PRKN: variants seen among roughly 807,000 people sequenced by gnomAD.
PRKN encodes parkin RBR E3 ubiquitin protein ligase.
A neutral mutation model predicts 59.5 loss-of-function variants in PRKN; 56 were observed. That is an observed-to-expected ratio of 0.94 (90% CI 0.76 to 1.18). PRKN has a LOEUF of 1.18. Ranked by LOEUF, PRKN falls within the 50% of genes most tolerant of loss-of-function variation. The probability of loss-of-function intolerance (pLI) is 0.00; values close to 1 mark genes in which losing one functional copy is unlikely to be tolerated. For missense variants in PRKN, 657 were observed against 596.4 expected, an observed-to-expected ratio of 1.10 and a Z score of -1.06; for synonymous variants, 250 against 222.1, an observed-to-expected ratio of 1.13 and a Z score of -1.12.
intron 6 of PRKN, among the ~76,000 whole-genome samples, chr6:161,887,498 G>A (rs1795197699): frequency 6.6e-6 from 1 of 152,156 alleles, no homozygotes; most frequent in African/African-American, 2.4e-5. Flanking sequence ...AACGTTGAAA[G>A]TACTGTGAAA....
At chr6:162,077,069 A>T (rs2128292603) in intron 4 of PRKN, among the ~76,000 whole-genome samples, 1 of 152,068 alleles carries the variant, frequency 6.6e-6, no homozygotes, top group East Asian at 1.9e-4. Flanking sequence ...GGGACTGCAA[A>T]CCCGTGCTCA....
Position 161,593,735 on chromosome 6 carries a change from C to A in PRKN, c.872-24319G>T, listed in dbSNP as rs1333008167. ...GGCTCGAGGAGTTCTGCTTCGGATG[C>A]CACATTGGCAAAGCTTATAAATTAT... On this transcript the variant is annotated intron_variant, in intron 7 of 11. Coordinates refer to ENST00000366898, the MANE Select transcript of PRKN (RefSeq NM_004562.3). This position sits in a 1 kb window ranked among gnomAD's most constrained non-coding sequence, Gnocchi z 4.8. 6.6e-6 allele frequency among the ~76,000 whole-genome samples: 1 copy of A among 152,070 alleles called. No homozygotes were observed. Among genetic ancestry groups the A allele is most frequent in the East Asian group, 1.9e-4 (1 of 5,176 alleles).
At chr6:162,555,991 A>AG (rs1173990162) in intron 1 of PRKN, among the ~76,000 whole-genome samples, 1 of 151,226 alleles carries the variant, frequency 6.6e-6, no homozygotes. Context: ...CAAAAAAAAA[A>AG]AAAAAAAAGT....
At chr6:161,365,263 C>G (rs1269990586) in intron 10 of PRKN, among the ~76,000 whole-genome samples, 1 of 152,166 alleles carries the variant, frequency 6.6e-6, no homozygotes, top group African/African-American at 2.4e-5. Context: ...CCCGTGTGGA[C>G]AGATTATCAT....
intron 1 of PRKN, among the ~76,000 whole-genome samples, chr6:162,646,031 C>G (rs1024485408): frequency 6.6e-6 from 1 of 151,848 alleles, no homozygotes; most frequent in African/African-American, 2.4e-5. Context: ...CCTGCCACCA[C>G]GCCTGGCTAA....
intron 9 of PRKN, among the ~76,000 whole-genome samples, chr6:161,421,621 A>G (rs772090828): frequency 2.0e-5 from 3 of 152,102 alleles, no homozygotes; most frequent in Admixed American, 6.5e-5. Flanking sequence ...TCAGATAGAG[A>G]CGTTTACCCC....
intron 3 of PRKN, among the ~76,000 whole-genome samples, chr6:162,217,640 C>T (rs1777741751): frequency 6.6e-6 from 1 of 152,108 alleles, no homozygotes; most frequent in South Asian, 2.1e-4. Context: ...GATCTGCCCA[C>T]CTCGCCCTCC....
intron 6 of PRKN, among the ~76,000 whole-genome samples, chr6:161,893,348 A>G (rs1265913472): frequency 6.6e-6 from 1 of 152,178 alleles, no homozygotes; most frequent in Non-Finnish European, 1.5e-5. Flanking sequence ...TAAAGCACAG[A>G]ATTGAGGAGG....
chr6:161,570,805 C>T (rs916016236), intron 7 of PRKN, among the ~76,000 whole-genome samples: 3 of 152,100 alleles, frequency 2.0e-5, no homozygotes, highest in African/African-American at 7.2e-5. Flanking sequence ...TGTTGGTGTT[C>T]CTAAGCCTCA....
chr6:162,445,195 C>G (rs1167401089), intron 1 of PRKN, among the ~76,000 whole-genome samples: 1 of 152,154 alleles, frequency 6.6e-6, no homozygotes, highest in African/African-American at 2.4e-5. Context: ...TATGGTTTTT[C>G]TAAGCCTCCC....
At chr6:162,185,224 A>G (rs908527360) in intron 4 of PRKN, among the ~76,000 whole-genome samples, 1 of 152,178 alleles carries the variant, frequency 6.6e-6, no homozygotes, top group African/African-American at 2.4e-5. Flanking sequence ...GTTCAATACA[A>G]TGCATAGCCA....
chr6:162,505,163 A>G (rs1793554862), intron 1 of PRKN, among the ~76,000 whole-genome samples: 1 of 152,176 alleles, frequency 6.6e-6, no homozygotes, highest in Non-Finnish European at 1.5e-5. Context: ...TAGTATTCAC[A>G]TTTCACTGGA....
intron 2 of PRKN, among the ~76,000 whole-genome samples, chr6:162,333,600 G>T (rs942355886): frequency 1.3e-5 from 2 of 152,118 alleles, no homozygotes; most frequent in Non-Finnish European, 2.9e-5. Context: ...CATGTGTTCC[G>T]ACTGATACGC....
chr6:162,567,283 G>A (rs562492493), intron 1 of PRKN, among the ~76,000 whole-genome samples: 1 of 152,242 alleles, frequency 6.6e-6, no homozygotes, highest in East Asian at 1.9e-4. Context: ...AATCAGAAAA[G>A]AGAAAGAAAT....
chr6:161,408,397 T>C (rs1787376617), intron 9 of PRKN, among the ~76,000 whole-genome samples: 1 of 150,714 alleles, frequency 6.6e-6, no homozygotes, highest in African/African-American at 2.4e-5. Flanking sequence ...CGTATACATG[T>C]AAAACGTATC....
chr6:161,722,503 T>A (rs1008508986), intron 7 of PRKN, among the ~76,000 whole-genome samples: 1 of 152,180 alleles, frequency 6.6e-6, no homozygotes, highest in Non-Finnish European at 1.5e-5. Flanking sequence ...ACAATGAACA[T>A]AACCCTGGCT....
rs55699586 is a variant in PRKN, at chr6:161,570,124, TAAA to T, written c.872-711_872-709del. On this transcript the variant is annotated intron_variant, in intron 7 of 11. Coordinates refer to ENST00000366898, the MANE Select transcript of PRKN (RefSeq NM_004562.3). ...TTGTAAAACAAAGTAAGTAAATAGG[TAAA>T]AAAAAAAAAAAAAAAAAAAATATAT... Among the ~76,000 whole-genome samples the T allele has an allele frequency of 2.0e-3, 102 of 51,406 alleles. 1 individual carries two copies. The highest frequency in any genetic ancestry group is 0.014 in the East Asian group (21 of 1,554). 33.7% of individuals were successfully genotyped at this position (51,406 alleles called of 152,430 possible). A position where few individuals can be genotyped will look rare whatever the true frequency, so the allele number is the denominator to read the frequency against.
chr6:161,844,202 G>C (rs1379814086), intron 6 of PRKN, among the ~76,000 whole-genome samples: 1 of 152,130 alleles, frequency 6.6e-6, no homozygotes, highest in Non-Finnish European at 1.5e-5. Context: ...AACTTTTAAA[G>C]ACTAAAAGAT....
At chr6:162,685,966 A>G (rs1203130685) in intron 1 of PRKN, among the ~76,000 whole-genome samples, 2 of 152,170 alleles carry the variant, frequency 1.3e-5, no homozygotes, top group African/African-American at 4.8e-5. Context: ...ATAGAGGGTA[A>G]GCAAGCCTGT....
Sources: allele counts gnomAD v4.1 joint callset (sites outside exome capture counted in the v4.1 genomes callset), GRCh38; gene constraint gnomAD v4.1.1; non-coding constraint Gnocchi (gnomAD v3.1); transcripts MANE v1.5; gene names NCBI Gene and HGNC (gene_info 2026-07-23, HGNC 2026-07-21).